Variants in TASP1 observed in about 807,000 individuals in gnomAD.
TASP1 encodes threonine aspartase 1.
Under a neutral mutation model 56.6 loss-of-function variants are expected in TASP1, and 16 were observed. The ratio of observed to expected loss-of-function variants is 0.28; its 90% CI spans 0.19 to 0.43. TASP1 has a LOEUF of 0.43. TASP1 is among the 20% of genes least tolerant of loss of function. The probability of loss-of-function intolerance (pLI) is 1.00; values close to 1 mark genes in which losing one functional copy is unlikely to be tolerated. For synonymous variants in TASP1, 179 were observed against 184.2 expected, an observed-to-expected ratio of 0.97 and a Z score of 0.23; for missense variants, 393 against 511.6, an observed-to-expected ratio of 0.77 and a Z score of 2.24.
intron 13 of TASP1, among the ~76,000 whole-genome samples, chr20:13,407,058 A>T (rs1270868247): frequency 6.6e-6 from 1 of 152,202 alleles, no homozygotes; most frequent in East Asian, 1.9e-4. Context: ...GTAACAGAGT[A>T]AATTATATCA....
intron 4 of TASP1, among the ~76,000 whole-genome samples, chr20:13,618,257 A>C (rs977144791): frequency 6.6e-6 from 1 of 151,908 alleles, no homozygotes; most frequent in African/African-American, 2.4e-5. Context: ...TAAAAACACA[A>C]AAAAAATTAG....
intron 2 of TASP1, among the ~76,000 whole-genome samples, chr20:13,628,371 AC>A (rs1318249711): frequency 1.3e-5 from 2 of 152,236 alleles, no homozygotes; most frequent in Non-Finnish European, 2.9e-5. Flanking sequence ...TGGAAGATGT[AC>A]CATCAACATA....
intron 5 of TASP1, among the ~76,000 whole-genome samples, chr20:13,582,109 A>AAAAGT (rs1251062167): frequency 6.6e-6 from 1 of 150,934 alleles, no homozygotes; most frequent in Non-Finnish European, 1.5e-5. Flanking sequence ...CTTCCACAAA[A>AAAAGT]AAAGTATGAA....
the TASP1 span, among the ~76,000 whole-genome samples, chr20:13,366,880 ACACACTCTCTCT>A: frequency 6.8e-4 from 103 of 151,898 alleles, no homozygotes; most frequent in Admixed American, 1.0e-3. Context: ...ACACACACAC[ACACACTCTCTCT>A]CACACACACA....
the TASP1 span, among the ~76,000 whole-genome samples, chr20:13,343,252 G>A: frequency 6.6e-6 from 1 of 152,196 alleles, no homozygotes; most frequent in Non-Finnish European, 1.5e-5. Flanking sequence ...AAGTCTAGAG[G>A]CCAGAAACCT....
chr20:13,484,830 G>C (rs1600958217), intron 10 of TASP1, among the ~76,000 whole-genome samples: 1 of 151,938 alleles, frequency 6.6e-6, no homozygotes, highest in African/African-American at 2.4e-5. Context: ...GTCCTTTGCA[G>C]GGACGTGGAT....
rs71188164 is a variant in TASP1, at chr20:13,572,685, CAAAAAAAAAA to C, written c.489-3109_489-3100del. 2.7e-4 allele frequency among the ~76,000 whole-genome samples: 23 copies of C among 84,062 alleles called. No individual in the cohort carries two copies. In the South Asian group the frequency reaches 0.011, roughly 40 times the overall value. 55.1% of individuals were successfully genotyped at this position (84,062 alleles called of 152,430 possible). ...TAGGTGACAGAGTGAGACTCCATCT[CAAAAAAAAAA>C]AAAAAAAAAACTCTCAAGAACTGAG... On this transcript the variant is annotated intron_variant, in intron 6 of 13. Coordinates refer to ENST00000337743, the MANE Select transcript of TASP1 (RefSeq NM_017714.3).
the TASP1 span, among the ~76,000 whole-genome samples, chr20:13,114,571 A>G: frequency 6.6e-6 from 1 of 152,244 alleles, no homozygotes. Context: ...ATTTACTCTA[A>G]GAATGTAAGC....
At chr20:13,253,449 G>C in the TASP1 span, among the ~76,000 whole-genome samples, 2 of 152,182 alleles carry the variant, frequency 1.3e-5, no homozygotes, top group East Asian at 3.9e-4. Context: ...CTTTGAGAGC[G>C]CTGTGTTTCC....
At chr20:13,291,254 A>G in the TASP1 span, among the ~76,000 whole-genome samples, 2 of 152,058 alleles carry the variant, frequency 1.3e-5, no homozygotes, top group Non-Finnish European at 2.9e-5. Context: ...TCTGCCTCTC[A>G]GTTCCTGGCT....
At chr20:13,588,301 GGAAGGA>G (rs761634196) in intron 4 of TASP1, among the ~76,000 whole-genome samples, 3 of 116,514 alleles carry the variant, frequency 2.6e-5, no homozygotes, top group African/African-American at 9.5e-5. Context: ...AAGGAAGGAA[GGAAGGA>G]AGAGAAAGAA....
chr20:13,480,148 T>C (rs985095308), intron 11 of TASP1, among the ~76,000 whole-genome samples: 2 of 152,222 alleles, frequency 1.3e-5, no homozygotes, highest in African/African-American at 4.8e-5. Context: ...CACATTTATG[T>C]GCTGAATCCA....
chr20:13,524,243 G>C (rs961634592), intron 10 of TASP1, among the ~76,000 whole-genome samples: 9 of 151,948 alleles, frequency 5.9e-5, no homozygotes, highest in African/African-American at 2.2e-4. Flanking sequence ...TTAATCTCTT[G>C]CTTTTTTCCC....
chr20:13,608,053 G>T (rs951326225), intron 4 of TASP1, among the ~76,000 whole-genome samples: 1 of 152,120 alleles, frequency 6.6e-6, no homozygotes, highest in African/African-American at 2.4e-5. Flanking sequence ...TGAGAAAGGT[G>T]GGGAAAAAGC....
the TASP1 span, among the ~76,000 whole-genome samples, chr20:13,263,052 G>C: frequency 6.6e-6 from 1 of 152,172 alleles, no homozygotes; most frequent in Non-Finnish European, 1.5e-5. Context: ...TCTCAGGGCT[G>C]TCGTCAGAGT....
chr20:13,559,221 T>A (rs994125656), intron 7 of TASP1, 107 bp from the exon 8 acceptor site: 7 of 614,262 alleles, frequency 1.1e-5, no homozygotes, highest in African/African-American at 1.9e-5. Context: ...TCCTTCAGTA[T>A]GTTAAATTAA....
chr20:13,261,769 G>A, the TASP1 span, among the ~76,000 whole-genome samples: 1 of 152,170 alleles, frequency 6.6e-6, no homozygotes, highest in Admixed American at 6.5e-5. Context: ...GTGTTGAGAA[G>A]AATCCATCTC....
chr20:13,238,484 G>T, the TASP1 span, among the ~76,000 whole-genome samples: 51 of 152,118 alleles, frequency 3.4e-4, no homozygotes, highest in Admixed American at 2.6e-3. Flanking sequence ...CTCCTGGATC[G>T]ATTATACATA....
the TASP1 span, among the ~76,000 whole-genome samples, chr20:13,353,218 A>G: frequency 6.7e-6 from 1 of 149,892 alleles, no homozygotes; most frequent in Non-Finnish European, 1.5e-5. Context: ...CCTAAGTTAC[A>G]TATTAGGTGA....
Sources: gnomAD v4.1 joint callset for allele counts (sites outside exome capture counted in the v4.1 genomes callset) on GRCh38, gnomAD v4.1.1 for gene constraint, MANE v1.5 for transcripts, NCBI Gene and HGNC (gene_info 2026-07-23, HGNC 2026-07-21) for gene names.